ZNF518B: variants seen among roughly 807,000 people sequenced by gnomAD.
The protein encoded by ZNF518B is zinc finger protein 518B.
ZNF518B carries 23 observed loss-of-function variants against 56.3 expected under a neutral mutation model. That is an observed-to-expected ratio of 0.41 (90% CI 0.29 to 0.58). ZNF518B has a LOEUF of 0.58. Among genes scored for constraint, ZNF518B ranks in the 20% least tolerant of loss-of-function variants. The probability of loss-of-function intolerance (pLI) is 0.32; values close to 1 mark genes in which losing one functional copy is unlikely to be tolerated. For missense variants in ZNF518B, 1,460 were observed against 1,272.1 expected (o/e 1.15, Z -2.25); for synonymous variants, 529 against 465.9 (o/e 1.14, Z -1.74).
In ZNF518B at chr4:10,446,127, T is replaced by C. The variant is rs1715038545; in HGVS notation, c.202A>G (p.Lys68Glu). Residue 68 changes from lysine to glutamate, a missense_variant, in exon 3 of 3, where the codon AAG becomes GAG. Coordinates refer to ENST00000326756, the MANE Select transcript of ZNF518B (RefSeq NM_053042.3). ...ATCAKCKSVH[K>E]ISLQDLQKGT... ...TTCTGCAAATCTTGAAGAGAGATCT[T>C]GTGAACACTTTTGCACTTTGCACAT... The C allele has an allele frequency of 6.2e-7, 1 of 1,614,208 alleles. No homozygotes were observed. Among genetic ancestry groups the C allele is most frequent in the South Asian group, 1.1e-5 (1 of 91,078 alleles).
At position 10,446,195 on chromosome 4, in the gene ZNF518B, T is replaced by C; in HGVS notation, c.134A>G (p.Tyr45Cys). The change falls in exon 3 of 3, where the codon TAT (tyrosine) becomes TGT (cysteine). Residue 45 changes from tyrosine (Y) to cysteine (C), a missense_variant. Tyr to Cys is a radical substitution (Grantham distance 194, BLOSUM62 -2). Coordinates refer to ENST00000326756, the MANE Select transcript of ZNF518B (RefSeq NM_053042.3). ...PNRQEAQTLLYQGSEAEAAMM... is the reference protein window; with the variant it reads ...PNRQEAQTLLCQGSEAEAAMM... The stretch of plus-strand genomic sequence containing the variant: ...GGCAGCCTCTGCCTCTGAGCCTTGA[T>C]ACAAAAGGGTTTGTGCTTCTTGTCT... The C allele has an allele frequency of 6.2e-7, 1 of 1,614,196 alleles. No homozygotes were observed. Among genetic ancestry groups the C allele is most frequent in the Non-Finnish European group, 8.5e-7 (1 of 1,180,036 alleles).
At position 10,446,021 on chromosome 4, in the gene ZNF518B, T is replaced by C. The variant is rs970460719; in HGVS notation, c.308A>G (p.Asn103Ser). 10 of 1,614,020 alleles carry C rather than the reference T, an allele frequency of 6.2e-6. No individual in the cohort carries two copies. Among genetic ancestry groups the C allele is most frequent in the African/African-American group, 2.7e-5 (2 of 74,922 alleles). Reference sequence around the variant, plus strand: ...TCCAACATGAGTCGCACTGGAATTATTGCTCACAAAATGAAAATTGGGAGG... The same window carrying C: ...TCCAACATGAGTCGCACTGGAATTACTGCTCACAAAATGAAAATTGGGAGG... ...AAPPNFHFVS[N>S]NSSATHVGNK... The change falls in exon 3 of 3, where the codon AAT (asparagine) becomes AGT (serine). Residue 103 changes from asparagine (N) to serine (S), a missense_variant. Transcript: ENST00000326756.
intron 2 of ZNF518B, chr4:10,451,961 C>T (rs950276392): frequency 3.3e-5 from 5 of 152,214 alleles, no homozygotes; most frequent in Non-Finnish European, 5.9e-5. Flanking sequence ...CCAATTATAT[C>T]GCATACATGC....
rs1181855711 is a variant in ZNF518B at position 10,444,921 on chromosome 4, A to G, written c.1408T>C (p.Tyr470His). The G allele has an allele frequency of 6.2e-7, 1 of 1,611,276 alleles. No individual in the cohort carries two copies. The highest frequency in any genetic ancestry group is 1.3e-5 in the African/African-American group (1 of 74,728). The part of the protein sequence containing the change: ...IEDFQKKNNL[Y>H]PHRTAFPSVA... ...GAAGGAAAAGCAGTTCTATGTGGAT[A>G]CAAATTATTTTTTTTCTGAAAATCC... The change falls in exon 3 of 3, where the codon TAT becomes CAT. Residue 470 changes from tyrosine (Y) to histidine (H), a missense_variant. Transcript: ENST00000326756.
upstream of ZNF518B, among the ~76,000 whole-genome samples, chr4:10,459,960 G>C (rs1242827872): frequency 6.6e-6 from 1 of 152,118 alleles, no homozygotes; most frequent in East Asian, 1.9e-4. Context: ...ACCAGTCCTT[G>C]AGTATAAGAT....
Position 10,446,623 on chromosome 4 carries a change from C to G in ZNF518B, c.-211-84G>C, listed in dbSNP as rs1165297789. 6 of 287,500 alleles carry G rather than the reference C, an allele frequency of 2.1e-5. No homozygotes were observed. In the East Asian group the frequency reaches 3.0e-4, roughly 15 times the overall value. 17.8% of individuals were successfully genotyped at this position (287,500 alleles called of 1,614,324 possible). ...CAAACTTATCCTATATTTTAATGGCCTTGGACATTTTATGGTAAATCTCAA... is the reference window on the plus strand; with the variant it reads ...CAAACTTATCCTATATTTTAATGGCGTTGGACATTTTATGGTAAATCTCAA... On this transcript the variant is annotated intron_variant, in intron 2 of 2. Transcript: ENST00000326756.
intron 1 of ZNF518B, among the ~76,000 whole-genome samples, chr4:10,456,244 A>G (rs573173333): frequency 6.6e-6 from 1 of 152,274 alleles, no homozygotes; most frequent in Non-Finnish European, 1.5e-5. Context: ...CAATTTTTAA[A>G]GTCAGAGGTA....
At position 10,444,508 on chromosome 4, in the gene ZNF518B, T is replaced by C. The variant is rs780134693; in HGVS notation, c.1821A>G (p.Arg607=). The part of the protein sequence containing the change: ...YLHINITGED[R]SQQPGDKPLE... Reference sequence around the variant, plus strand: ...AAGGCTTATCCCCAGGCTGTTGAGATCTATCTTCTCCAGTTATGTTTATAT... The same window carrying C: ...AAGGCTTATCCCCAGGCTGTTGAGACCTATCTTCTCCAGTTATGTTTATAT... Residue 607 remains arginine, a synonymous_variant, in exon 3 of 3, where the codon AGA becomes AGG. Transcript: ENST00000326756. The C allele has an allele frequency of 2.5e-6, 4 of 1,614,150 alleles. No individual in the cohort carries two copies. The highest frequency in any genetic ancestry group is 2.5e-6 in the Non-Finnish European group (3 of 1,180,034).
At position 10,446,636 on chromosome 4, in the gene ZNF518B, TG is replaced by T. The variant is rs1272612088; in HGVS notation, c.-211-98del. Reference sequence around the variant, plus strand: ...TATTTTAATGGCCTTGGACATTTTATGGTAAATCTCAACGTATGATTTTAGA... The same window carrying T: ...TATTTTAATGGCCTTGGACATTTTATGTAAATCTCAACGTATGATTTTAGA... On this transcript the variant is annotated intron_variant, in intron 2 of 2. Transcript: ENST00000326756. 3.0e-5 allele frequency: 8 copies of T among 264,246 alleles called. No individual in the cohort carries two copies. The East Asian group carries it at 5.5e-4, about 18-fold the overall frequency. 16.4% of individuals were successfully genotyped at this position (264,246 alleles called of 1,614,324 possible). A position where few individuals can be genotyped will look rare whatever the true frequency, so the allele number is the denominator to read the frequency against.
At position 10,446,495 on chromosome 4, in the gene ZNF518B, T is replaced by A. The variant is rs1715062347; in HGVS notation, c.-167A>T. Reference sequence around the variant, plus strand: ...ATATACTGCCGCAGTAGGTGCATGATCCCAAAATATGACTGCTTTCAGCTC... The same window carrying A: ...ATATACTGCCGCAGTAGGTGCATGAACCCAAAATATGACTGCTTTCAGCTC... On this transcript the variant is annotated 5_prime_UTR_variant, in exon 3 of 3. Coordinates refer to ENST00000326756, the MANE Select transcript of ZNF518B (RefSeq NM_053042.3). 7 of 603,752 alleles carry A rather than the reference T, an allele frequency of 1.2e-5. No individual in the cohort carries two copies. Among genetic ancestry groups the A allele is most frequent in the Non-Finnish European group, 2.0e-5 (7 of 346,024 alleles). The allele number at this position is 603,752 out of a possible 1,614,324, so 37.4% of individuals were successfully genotyped here. A position where few individuals can be genotyped will look rare whatever the true frequency, so the allele number is the denominator to read the frequency against.
intron 1 of ZNF518B, among the ~76,000 whole-genome samples, chr4:10,455,812 AG>A (rs1282637900): frequency 1.6e-4 from 24 of 152,274 alleles, no homozygotes; most frequent in African/African-American, 5.5e-4. Context: ...CCAAGATGAA[AG>A]TAACTTTTAA....
rs374126533 is a variant in ZNF518B, at chr4:10,444,783, T to A, written c.1546A>T (p.Ser516Cys). ...GAGCTACTGTGTAAATTTCTTCCAC[T>A]TTCAGCAAAACAAACAGCAGCTTTA... is the stretch of plus-strand genomic sequence containing the variant. ...PYKAAVCFAE[S>C]GRNLHSSSQQ... Residue 516 changes from serine (S) to cysteine (C), a missense_variant, in exon 3 of 3, where the codon AGT (serine) becomes TGT (cysteine). Ser to Cys is a moderately radical substitution (Grantham distance 112). Coordinates refer to ENST00000326756, the MANE Select transcript of ZNF518B (RefSeq NM_053042.3). 6.2e-7 allele frequency: 1 copy of A among 1,613,704 alleles called. No individual in the cohort carries two copies. Among genetic ancestry groups the A allele is most frequent in the African/African-American group, 1.3e-5 (1 of 74,904 alleles).
chr4:10,448,417 G>A (rs1226174321), intron 2 of ZNF518B, among the ~76,000 whole-genome samples: 17 of 152,088 alleles, frequency 1.1e-4, no homozygotes, highest in African/African-American at 1.7e-4. Flanking sequence ...CAACAGTAAC[G>A]CACTCAGATC....
At chr4:10,451,802 A>G (rs1715324493) in intron 2 of ZNF518B, 1 of 152,262 alleles carries the variant, frequency 6.6e-6, no homozygotes, top group Non-Finnish European at 1.5e-5. Flanking sequence ...AAGAGTACTC[A>G]CTACAATTTA....
intron 2 of ZNF518B, chr4:10,451,803 C>T (rs1715324629): frequency 6.6e-6 from 1 of 152,208 alleles, no homozygotes. Context: ...AGAGTACTCA[C>T]TACAATTTAG....
intron 2 of ZNF518B, chr4:10,452,168 A>G (rs1054700804): frequency 3.3e-5 from 5 of 152,224 alleles, no homozygotes; most frequent in Non-Finnish European, 5.9e-5. Context: ...GTACCCATGA[A>G]GATCACATGA....
chr4:10,447,590 C>T (rs1560172745), intron 2 of ZNF518B, among the ~76,000 whole-genome samples: 1 of 149,676 alleles, frequency 6.7e-6, no homozygotes, highest in African/African-American at 2.5e-5. Flanking sequence ...GCCTGGGACA[C>T]AAGAGGTGAC....
rs1200194606 is a variant in ZNF518B at position 10,446,096 on chromosome 4, G to A, written c.233C>T (p.Thr78Ile). ...KISLQDLQKG[T>I]GKDGMYVCFQ... ...GCAGACATACATACCGTCCTTCCCT[G>A]TACCCTTCTGCAAATCTTGAAGAGA... Residue 78 changes from threonine to isoleucine, a missense_variant, in exon 3 of 3, where the codon ACA becomes ATA. Transcript: ENST00000326756. 1 of 1,614,034 alleles carries A rather than the reference G, an allele frequency of 6.2e-7. No homozygotes were observed. Among genetic ancestry groups the A allele is most frequent in the Non-Finnish European group, 8.5e-7 (1 of 1,180,032 alleles).
intron 1 of ZNF518B, chr4:10,457,013 G>A (rs1478197428): frequency 1.3e-5 from 2 of 149,528 alleles, no homozygotes; most frequent in East Asian, 1.9e-4. Flanking sequence ...TGGGGGCGCC[G>A]GGCCGGACCC....
Sources: allele counts gnomAD v4.1 joint callset (sites outside exome capture counted in the v4.1 genomes callset), GRCh38; gene constraint gnomAD v4.1.1; transcripts MANE v1.5; gene names NCBI Gene and HGNC (gene_info 2026-07-23, HGNC 2026-07-21).